POSTN: variants seen among roughly 807,000 people sequenced by gnomAD.
The protein encoded by POSTN is osteoblast specific factor 2 (fasciclin I-like).
A neutral mutation model predicts 104.5 loss-of-function variants in POSTN; 71 were observed. The observed-to-expected ratio is 0.68, with a 90% CI of 0.56 to 0.83. POSTN has a LOEUF of 0.83. Ranked by LOEUF, POSTN falls within the 40% of genes least tolerant of loss-of-function variation. The pLI, the probability that POSTN is intolerant of heterozygous loss-of-function variation, is 0.00. For synonymous variants in POSTN, 355 were observed against 340.7 expected, an observed-to-expected ratio of 1.04 and a Z score of -0.46; for missense variants, 949 against 1,006.8, an observed-to-expected ratio of 0.94 and a Z score of 0.78.
At chr13:37,582,953 A>G (rs1225360996) in intron 9 of POSTN, among the ~76,000 whole-genome samples, 2 of 152,222 alleles carry the variant, frequency 1.3e-5, no homozygotes, top group African/African-American at 2.4e-5. Context: ...GGTTATTGTC[A>G]AAACACATGG....
chr13:37,571,522 G>T, intron 17 of POSTN, 64 bp from the exon 18 acceptor site: 2 of 1,226,978 alleles, frequency 1.6e-6, no homozygotes, highest in Admixed American at 2.0e-5. Flanking sequence ...TACCGGAATA[G>T]GACATTTATT....
At chr13:37,571,977 C>T (rs1950274066) in intron 17 of POSTN, among the ~76,000 whole-genome samples, 1 of 151,514 alleles carries the variant, frequency 6.6e-6, no homozygotes, top group South Asian at 2.1e-4. Flanking sequence ...CTTTAAGATG[C>T]TGAATGTCAG....
Position 37,597,191 on chromosome 13 carries a change from G to T in POSTN, c.211C>A (p.Gln71Lys). The change falls in exon 2 of 23, where the codon CAG becomes AAG. Residue 71 changes from glutamine to lysine, a missense_variant. Transcript: ENST00000379747. Reference sequence around the variant, plus strand: ...AAAAAAAAAGAGACTTACGTTTTCTGTCCACAGATGGACTTTTTATACCAG... The same window carrying T: ...AAAAAAAAAGAGACTTACGTTTTCTTTCCACAGATGGACTTTTTATACCAG... ...KNWYKKSICG[Q>K]KTTVLYECCP... 1 of 1,547,084 alleles carries T rather than the reference G, an allele frequency of 6.5e-7. No homozygotes were observed. Among genetic ancestry groups the T allele is most frequent in the South Asian group, 1.2e-5 (1 of 80,662 alleles).
At chr13:37,568,705 G>T (rs1254506218) in intron 21 of POSTN, 4 of 151,044 alleles carry the variant, frequency 2.6e-5, no homozygotes, top group Admixed American at 6.6e-5. Flanking sequence ...TGTTCTTAAG[G>T]TTCATTTAAT....
At chr13:37,565,791 A>T (rs1950081590) in intron 21 of POSTN, among the ~76,000 whole-genome samples, 1 of 152,134 alleles carries the variant, frequency 6.6e-6, no homozygotes. Flanking sequence ...AATATTCTCC[A>T]ACAGATATAA....
chr13:37,585,101 A>G (rs1950705815), intron 7 of POSTN, among the ~76,000 whole-genome samples, 173 bp from the exon 8 acceptor site: 1 of 152,252 alleles, frequency 6.6e-6, no homozygotes, highest in Admixed American at 6.5e-5. Flanking sequence ...CCTATCAACT[A>G]TAAAATAGAA....
At chr13:37,582,644 A>G in intron 9 of POSTN, 130 bp from the exon 10 acceptor site, 1 of 810,880 alleles carries the variant, frequency 1.2e-6, no homozygotes, top group Non-Finnish European at 1.9e-6. Context: ...CACTCATATA[A>G]TACATGAATC....
In POSTN at chr13:37,562,604, A is replaced by G. The variant is rs1220422202; in HGVS notation, c.*729T>C. 1 of 152,228 alleles carries G rather than the reference A, an allele frequency of 6.6e-6. No individual in the cohort carries two copies. The highest frequency in any genetic ancestry group is 1.5e-5 in the Non-Finnish European group (1 of 68,050). The allele number at this position is 152,228 out of a possible 1,614,324, so 9.4% of individuals were successfully genotyped here. On this transcript the variant is annotated 3_prime_UTR_variant, in exon 23 of 23. Transcript: ENST00000379747. Reference sequence around the variant, plus strand: ...CACTAATTTCATTCAATTTCCTTTAATGAGTACTTGTTACAGTAAAAGAGG... The same window carrying G: ...CACTAATTTCATTCAATTTCCTTTAGTGAGTACTTGTTACAGTAAAAGAGG...
chr13:37,596,978 A>G (rs1014675968), intron 2 of POSTN, among the ~76,000 whole-genome samples: 1 of 144,118 alleles, frequency 6.9e-6, no homozygotes, highest in Non-Finnish European at 1.6e-5. Flanking sequence ...ACATGGATTC[A>G]GGAAGAAATC....
intron 2 of POSTN, among the ~76,000 whole-genome samples, chr13:37,593,706 A>G (rs1951007738): frequency 6.6e-6 from 1 of 151,550 alleles, no homozygotes; most frequent in Non-Finnish European, 1.5e-5. Flanking sequence ...AGAGATCGCC[A>G]AGTATAAGAA....
rs1241765899 is a variant in POSTN, at chr13:37,584,839, T to C, written c.985A>G (p.Ile329Val). 1 of 1,613,928 alleles carries C rather than the reference T, an allele frequency of 6.2e-7. No homozygotes were observed. Among genetic ancestry groups the C allele is most frequent in the Non-Finnish European group, 8.5e-7 (1 of 1,179,950 alleles). Residue 329 changes from isoleucine (I) to valine (V), a missense_variant, in exon 8 of 23, where the codon ATT becomes GTT. Ile to Val is a conservative substitution (Grantham distance 29). Transcript: ENST00000379747. Reference protein sequence around the residue: ...AVFETLEGNTIEIGCDGDSIT... With the variant: ...AVFETLEGNTVEIGCDGDSIT... ...CTGTCACCGTCACATCCTATCTCAA[T>C]TGTATTTCCTTCCAGCGTCTCAAAG...
chr13:37,571,331 G>A (rs1206587984), intron 18 of POSTN, 38 bp downstream of exon 18: 2 of 1,308,976 alleles, frequency 1.5e-6, no homozygotes, highest in Non-Finnish European at 2.2e-6. Flanking sequence ...AATAATCACA[G>A]CGAAGGTAGT....
At position 37,571,364 on chromosome 13, in the gene POSTN, C is replaced by T. The variant is rs757777555; in HGVS notation, c.2179+5G>A. 10 of 1,582,566 alleles carry T rather than the reference C, an allele frequency of 6.3e-6. No homozygotes were observed. The highest frequency in any genetic ancestry group is 5.4e-5 in the African/African-American group (4 of 73,812). ...AGTCGGCCCCAGGTAACATAAGGAA[C>T]GCACCTCCATGGATCACTTCAGTTA... On this transcript the variant is annotated splice_donor_5th_base_variant and intron_variant, in intron 18 of 22. Coordinates refer to ENST00000379747, the MANE Select transcript of POSTN (RefSeq NM_006475.3).
intron 7 of POSTN, among the ~76,000 whole-genome samples, chr13:37,585,365 G>T (rs1321466303): frequency 6.6e-6 from 1 of 152,128 alleles, no homozygotes; most frequent in Non-Finnish European, 1.5e-5. Flanking sequence ...AACACAGCAA[G>T]ATCCCTCTCT....
At chr13:37,586,631 G>A in intron 6 of POSTN, 151 bp downstream of exon 6, 1 of 715,196 alleles carries the variant, frequency 1.4e-6, no homozygotes, top group South Asian at 1.9e-5. Flanking sequence ...CATATGAGAT[G>A]GTTTCTTCTG....
intron 12 of POSTN, 99 bp downstream of exon 12, chr13:37,579,762 A>C: frequency 1.5e-6 from 2 of 1,323,200 alleles, no homozygotes. Context: ...AATACCAGAG[A>C]GGGGGCATTT....
chr13:37,585,120 G>A (rs1950707147), intron 7 of POSTN, among the ~76,000 whole-genome samples, 192 bp from the exon 8 acceptor site: 1 of 152,170 alleles, frequency 6.6e-6, no homozygotes. Context: ...AAACAGCTCA[G>A]CTTCGTAGGA....
intron 13 of POSTN, 21 bp from the exon 14 acceptor site, chr13:37,579,142 T>C: frequency 3.7e-6 from 6 of 1,607,514 alleles, no homozygotes; most frequent in Non-Finnish European, 5.1e-6. Flanking sequence ...AGGAGGCAAT[T>C]TCAATGAGGA....
At chr13:37,569,188 C>CT (rs58863577) in intron 21 of POSTN, 112 bp downstream of exon 21, 2,261 of 566,158 alleles carry the variant, frequency 4.0e-3, no homozygotes, top group South Asian at 5.3e-3. Context: ...TGGATGTTGT[C>CT]TTTTTTTTTT....
Sources: allele counts gnomAD v4.1 joint callset (sites outside exome capture counted in the v4.1 genomes callset), GRCh38; gene constraint gnomAD v4.1.1; transcripts MANE v1.5; gene names NCBI Gene and HGNC (gene_info 2026-07-23, HGNC 2026-07-21).